Variants in IL1RAPL2 observed in about 807,000 individuals in gnomAD.
IL1RAPL2 encodes the protein interleukin 1 receptor accessory protein like 2, also known as X-linked interleukin-1 receptor accessory protein-like 2.
In IL1RAPL2, 3 loss-of-function variants were observed where a neutral mutation model predicts 44.1. That is an observed-to-expected ratio of 0.07 (90% CI 0.03 to 0.18). The LOEUF (loss-of-function observed/expected upper bound fraction) is 0.18. IL1RAPL2 is among the 10% of genes least tolerant of loss of function. IL1RAPL2 has a pLI of 1.00. For missense variants in IL1RAPL2, 391 were observed against 496.4 expected, an observed-to-expected ratio of 0.79 and a Z score of 2.02; for synonymous variants, 181 against 178.8, an observed-to-expected ratio of 1.01 and a Z score of -0.10.
At chrX:105,282,330 G>A (rs905654710) in intron 5 of IL1RAPL2, among the ~76,000 whole-genome samples, 1 of 112,005 alleles carries the variant, frequency 8.9e-6, no homozygotes, top group African/African-American at 3.3e-5. Flanking sequence ...CAGTTAAATG[G>A]CCTCCTTTGG....
intron 8 of IL1RAPL2, among the ~76,000 whole-genome samples, chrX:105,748,355 A>G (rs1296263054): frequency 8.9e-6 from 1 of 112,146 alleles, no homozygotes; most frequent in African/African-American, 3.2e-5. Context: ...TGGGCATATT[A>G]TATCACATAT....
At chrX:104,849,348 A>G (rs901828796) in intron 2 of IL1RAPL2, among the ~76,000 whole-genome samples, 5 of 100,270 alleles carry the variant, frequency 5.0e-5, no homozygotes, top group Admixed American at 3.2e-4. Context: ...CCATGCTTGA[A>G]CTATATAATA....
intron 5 of IL1RAPL2, among the ~76,000 whole-genome samples, chrX:105,348,773 A>G (rs2035130187): frequency 8.9e-6 from 1 of 111,866 alleles, no homozygotes; most frequent in Non-Finnish European, 1.9e-5. Context: ...ATAGCAGGGA[A>G]GGAGTGCAGC....
intron 6 of IL1RAPL2, among the ~76,000 whole-genome samples, chrX:105,499,437 G>A (rs759048676): frequency 1.4e-4 from 16 of 110,779 alleles, no homozygotes; most frequent in Non-Finnish European, 2.3e-4. Context: ...GAAATAATCA[G>A]CAGAATGAAA....
At chrX:104,634,557 G>A (rs181166808) in intron 1 of IL1RAPL2, among the ~76,000 whole-genome samples, 1 of 112,044 alleles carries the variant, frequency 8.9e-6, no homozygotes, top group South Asian at 3.7e-4. Context: ...ATTTAGGATA[G>A]TTAGCTCTTC....
intron 2 of IL1RAPL2, among the ~76,000 whole-genome samples, chrX:104,698,059 T>G (rs1569299011): frequency 8.9e-6 from 1 of 112,317 alleles, no homozygotes; most frequent in East Asian, 2.8e-4. Context: ...TGTGGGTTGT[T>G]GGACTGTGGG....
chrX:104,633,821 GT>G (rs886317501), intron 1 of IL1RAPL2, among the ~76,000 whole-genome samples: 98 of 111,095 alleles, frequency 8.8e-4, no homozygotes, highest in Non-Finnish European at 1.5e-3. Context: ...TTTTTGAAGG[GT>G]TTTTTTGTGT....
At chrX:105,447,358 TATATAA>T (rs1242740495) in intron 5 of IL1RAPL2, among the ~76,000 whole-genome samples, 4 of 64,292 alleles carry the variant, frequency 6.2e-5, no homozygotes, top group East Asian at 5.0e-4. Flanking sequence ...AATATATAAA[TATATAA>T]ATATAAATAT....
At chrX:104,793,670 A>G (rs780000260) in intron 2 of IL1RAPL2, among the ~76,000 whole-genome samples, 11 of 111,957 alleles carry the variant, frequency 9.8e-5, no homozygotes, top group African/African-American at 3.6e-4. Flanking sequence ...GTGACAACGT[A>G]TATTAGATCA....
chrX:104,829,624 T>G (rs113367451), intron 2 of IL1RAPL2, among the ~76,000 whole-genome samples: 446 of 112,703 alleles, frequency 4.0e-3, no homozygotes, highest in African/African-American at 0.014. Context: ...GATTCAACCT[T>G]TGTCCATTTA....
chrX:105,037,802 C>G (rs890874610), intron 2 of IL1RAPL2, among the ~76,000 whole-genome samples: 1 of 112,000 alleles, frequency 8.9e-6, no homozygotes, highest in African/African-American at 3.2e-5. Context: ...CCCTTGGCTA[C>G]TGCCCCATTT....
intron 5 of IL1RAPL2, among the ~76,000 whole-genome samples, chrX:105,419,998 G>A (rs1348368888): frequency 9.0e-6 from 1 of 110,651 alleles, no homozygotes; most frequent in East Asian, 2.8e-4. Context: ...ATGATGGCAT[G>A]TATGATCCAG....
At chrX:105,043,480 T>A (rs1269340771) in intron 2 of IL1RAPL2, among the ~76,000 whole-genome samples, 2 of 109,483 alleles carry the variant, frequency 1.8e-5, no homozygotes, top group African/African-American at 6.7e-5. Context: ...TCCCTTCTTC[T>A]ATTCCTCCTG....
Position 104,909,132 on chromosome X carries a change from G to A in IL1RAPL2, c.82+250137G>A, listed in dbSNP as rs1464536865. Among the ~76,000 whole-genome samples the A allele has an allele frequency of 3.6e-5, 4 of 111,508 alleles. 1 individual carries two copies. The highest frequency in any genetic ancestry group is 2.9e-4 in the Admixed American group (3 of 10,472). On this transcript the variant is annotated intron_variant, in intron 2 of 10. Transcript: ENST00000372582. ...CTGATACCCTTTCTTCCAGTTGATC[G>A]CATTGGCTCCTGAGGCTTCTGCATT...
Position 104,952,970 on chromosome X carries a change from G to C in IL1RAPL2, c.83-242505G>C, listed in dbSNP as rs138459771. On this transcript the variant is annotated intron_variant, in intron 2 of 10. Coordinates refer to ENST00000372582, the MANE Select transcript of IL1RAPL2 (RefSeq NM_017416.2). ...GTTTTGATCTGTTCTTTGCCAATTT[G>C]TCATTCTTGGATAGTGTATTAGGTG... Among the ~76,000 whole-genome samples, 142 of 112,065 alleles carry C rather than the reference G, an allele frequency of 1.3e-3. No homozygotes were observed. The Middle Eastern group carries it at 0.019, about 15-fold the overall frequency.
At chrX:105,367,361 T>G (rs975449808) in intron 5 of IL1RAPL2, among the ~76,000 whole-genome samples, 6 of 111,773 alleles carry the variant, frequency 5.4e-5, no homozygotes, top group African/African-American at 1.9e-4. Flanking sequence ...CCTATTACTA[T>G]TTACTTACCT....
chrX:105,177,299 G>T (rs767139491), intron 2 of IL1RAPL2, among the ~76,000 whole-genome samples: 4 of 110,340 alleles, frequency 3.6e-5, no homozygotes, highest in Admixed American at 9.8e-5. Flanking sequence ...AATGCCTGAT[G>T]ATCTGTCACT....
intron 1 of IL1RAPL2, among the ~76,000 whole-genome samples, chrX:104,569,955 C>T (rs1003130028): frequency 2.7e-5 from 3 of 112,100 alleles, no homozygotes; most frequent in Non-Finnish European, 5.6e-5. Context: ...TGGAAATTTC[C>T]TGTAACTGCA....
chrX:104,851,994 A>G (rs1922238061), intron 2 of IL1RAPL2, among the ~76,000 whole-genome samples: 1 of 111,341 alleles, frequency 9.0e-6, no homozygotes, highest in African/African-American at 3.3e-5. Context: ...AACACCTCCC[A>G]CTAGGCCCCA....
Sources: allele counts gnomAD v4.1 joint callset (sites outside exome capture counted in the v4.1 genomes callset), GRCh38; gene constraint gnomAD v4.1.1; transcripts MANE v1.5; gene names NCBI Gene and HGNC (gene_info 2026-07-23, HGNC 2026-07-21).